EXOSC10: variants seen among roughly 807,000 people sequenced by gnomAD.
EXOSC10 encodes the protein exosome component 10.
A neutral mutation model predicts 126.6 loss-of-function variants in EXOSC10; 94 were observed. The observed-to-expected ratio is 0.74, with a 90% CI of 0.63 to 0.88. EXOSC10 has a LOEUF of 0.88. Ranked by LOEUF, EXOSC10 falls within the 40% of genes least tolerant of loss-of-function variation. The probability of loss-of-function intolerance (pLI) is 0.00; values close to 1 mark genes in which losing one functional copy is unlikely to be tolerated. For synonymous variants in EXOSC10, 395 were observed against 400.8 expected, an observed-to-expected ratio of 0.99 and a Z score of 0.17; for missense variants, 1,041 against 1,100.5, an observed-to-expected ratio of 0.95 and a Z score of 0.77.
intron 22 of EXOSC10, among the ~76,000 whole-genome samples, chr1:11,069,227 C>CTGTGTGTGTG (rs146028725): frequency 2.2e-5 from 3 of 135,336 alleles, no homozygotes; most frequent in South Asian, 2.6e-4. Context: ...AAACAAAATT[C>CTGTGTGTGTG]TGTGTGTGTG....
intron 16 of EXOSC10, 31 bp downstream of exon 16, chr1:11,077,334 T>A: frequency 6.3e-7 from 1 of 1,596,916 alleles, no homozygotes; most frequent in Non-Finnish European, 8.6e-7. Context: ...CCCAACCTCT[T>A]CGGGACAGTC....
chr1:11,085,733 T>C (rs1337325697), intron 9 of EXOSC10, among the ~76,000 whole-genome samples: 2 of 151,890 alleles, frequency 1.3e-5, no homozygotes, highest in Non-Finnish European at 2.9e-5. Context: ...TTTTTGCCCA[T>C]TCAGTATGAT....
intron 6 of EXOSC10, among the ~76,000 whole-genome samples, chr1:11,089,286 A>G (rs1474527567): frequency 1.3e-5 from 2 of 151,046 alleles, no homozygotes; most frequent in Non-Finnish European, 2.9e-5. Flanking sequence ...AGAAAGGCAG[A>G]GCAGTATAGT....
intron 9 of EXOSC10, among the ~76,000 whole-genome samples, chr1:11,084,549 G>A (rs1181947296): frequency 2.0e-5 from 3 of 152,124 alleles, no homozygotes; most frequent in South Asian, 2.1e-4. Context: ...AGTAGGTTGC[G>A]AAGATTTTCT....
chr1:11,083,270 A>G (rs1330472988), intron 9 of EXOSC10, among the ~76,000 whole-genome samples: 2 of 152,130 alleles, frequency 1.3e-5, no homozygotes, highest in African/African-American at 4.8e-5. Flanking sequence ...TCTAATCAAG[A>G]TTAGATATAT....
At position 11,098,555 on chromosome 1, in the gene EXOSC10, A is replaced by C. The variant is rs564777003; in HGVS notation, c.112-399T>G. 3.0e-3 allele frequency among the ~76,000 whole-genome samples: 463 copies of C among 152,368 alleles called. 4 individuals carry two copies. The highest frequency in any genetic ancestry group is 0.011 in the African/African-American group (448 of 41,582). On this transcript the variant is annotated intron_variant, in intron 1 of 24. Transcript: ENST00000376936. ...CAGAGTTTTTGTGAGGACAGAATGAATAAGCTAATAAAAGCACTTAGGACA... is the reference window on the plus strand; with the variant it reads ...CAGAGTTTTTGTGAGGACAGAATGACTAAGCTAATAAAAGCACTTAGGACA...
At chr1:11,074,033 A>C in intron 18 of EXOSC10, 25 bp from the exon 19 acceptor site, 1 of 1,606,324 alleles carries the variant, frequency 6.2e-7, no homozygotes, top group Non-Finnish European at 8.5e-7. Flanking sequence ...TGGCTGTGTG[A>C]AACGCTGCCG....
Position 11,095,846 on chromosome 1 carries a change from C to T in EXOSC10, c.284G>A (p.Ser95Asn), listed in dbSNP as rs776209993. Residue 95 changes from serine to asparagine, a missense_variant, in exon 3 of 25, where the codon AGC becomes AAC. Transcript: ENST00000376936. Reference protein sequence around the residue: ...SRVMQYHGCRSNIKDRSKVTE... With the variant: ...SRVMQYHGCRNNIKDRSKVTE... ...CACTTTACTTCGATCCTTAATGTTG[C>T]TGCGACACCCATGGTACTGCATTAC... 12 of 1,613,884 alleles carry T rather than the reference C, an allele frequency of 7.4e-6. No individual in the cohort carries two copies. The highest frequency in any genetic ancestry group is 1.0e-5 in the Non-Finnish European group (12 of 1,179,850).
chr1:11,077,865 A>C (rs192853447), intron 14 of EXOSC10, among the ~76,000 whole-genome samples: 1 of 152,346 alleles, frequency 6.6e-6, no homozygotes, highest in Non-Finnish European at 1.5e-5. Context: ...CTTTAACATG[A>C]CTAAGCACAA....
chr1:11,082,992 C>T (rs1441330274), intron 9 of EXOSC10, 114 bp from the exon 10 acceptor site: 1 of 844,872 alleles, frequency 1.2e-6, no homozygotes, highest in Non-Finnish European at 1.9e-6. Context: ...TCTCCGCTGT[C>T]CCATCTGTAG....
Position 11,087,599 on chromosome 1 carries a change from C to T in EXOSC10, c.946-8G>A. ...GCTCCTGTAAGAGTGGTGCTAAACC[C>T]CACAGAAGGAGGGGAGAAGAGGAAA... On this transcript the variant is annotated splice_polypyrimidine_tract_variant and splice_region_variant and intron_variant, in intron 8 of 24. Transcript: ENST00000376936. 1 of 1,613,226 alleles carries T rather than the reference C, an allele frequency of 6.2e-7. No individual in the cohort carries two copies. Among genetic ancestry groups the T allele is most frequent in the Non-Finnish European group, 8.5e-7 (1 of 1,179,656 alleles).
rs1164512014 is a variant in EXOSC10 at position 11,074,244 on chromosome 1, T to A, written c.2069A>T (p.Asn690Ile). ...ACTACTACTCACCATCCTAAATGGA[T>A]TTTCAAAGGACTCCATGATGTTCTG... ...KAQNIMESFE[N>I]PFRMFLPSLG... The change falls in exon 18 of 25, where the codon AAT becomes ATT. Residue 690 changes from asparagine to isoleucine, a missense_variant. Physicochemically the swap from Asn to Ile is moderately radical, Grantham distance 149. Coordinates refer to ENST00000376936, the MANE Select transcript of EXOSC10 (RefSeq NM_001001998.3). 7 of 1,613,694 alleles carry A rather than the reference T, an allele frequency of 4.3e-6. No homozygotes were observed. Among genetic ancestry groups the A allele is most frequent in the Non-Finnish European group, 4.2e-6 (5 of 1,179,668 alleles).
chr1:11,082,763 GAGT>G lies in EXOSC10; in HGVS notation c.1202_1204del (p.His401_Ser402delinsPro). On this transcript the variant is annotated inframe_deletion, in exon 10 of 25. Transcript: ENST00000376936. ...GTAGAGTTTCAGGAGATGATCGAGT[GAGT>G]GCCTGCCCAGGTTAAGAAGGCGTGC... The G allele has an allele frequency of 6.2e-7, 1 of 1,614,188 alleles. No individual in the cohort carries two copies. The highest frequency in any genetic ancestry group is 8.5e-7 in the Non-Finnish European group (1 of 1,180,034).
At chr1:11,097,380 AAAAAAT>A (rs112507542) in intron 2 of EXOSC10, among the ~76,000 whole-genome samples, 18 of 151,068 alleles carry the variant, frequency 1.2e-4, no homozygotes, top group Admixed American at 3.3e-4. Flanking sequence ...TCCATCTCAA[AAAAAAT>A]AAAAATAAAA....
intron 20 of EXOSC10, chr1:11,071,755 G>C: frequency 4.5e-6 from 1 of 222,420 alleles, no homozygotes; most frequent in Non-Finnish European, 8.9e-6. Flanking sequence ...AGCATGCCCA[G>C]TGAACTAGCC....
At chr1:11,078,734 A>G (rs1268667111) in intron 14 of EXOSC10, among the ~76,000 whole-genome samples, 3 of 152,140 alleles carry the variant, frequency 2.0e-5, no homozygotes, top group Admixed American at 1.3e-4. Context: ...CATCTGGGCC[A>G]TCGCCAGGCT....
At chr1:11,070,490 C>A (rs1639407800) in intron 21 of EXOSC10, among the ~76,000 whole-genome samples, 1 of 145,994 alleles carries the variant, frequency 6.8e-6, no homozygotes, top group East Asian at 2.0e-4. Context: ...CCACTGCACT[C>A]CAGCCTGTGC....
At chr1:11,083,244 T>C (rs1640270616) in intron 9 of EXOSC10, among the ~76,000 whole-genome samples, 1 of 152,170 alleles carries the variant, frequency 6.6e-6, no homozygotes, top group African/African-American at 2.4e-5. Flanking sequence ...CCACCTCACC[T>C]GGCTGAAGCC....
rs1640242996 is a variant in EXOSC10, at chr1:11,082,797, G to C, written c.1171C>G (p.Gln391Glu). 1.9e-6 allele frequency: 3 copies of C among 1,614,098 alleles called. No individual in the cohort carries two copies. Among genetic ancestry groups the C allele is most frequent in the African/African-American group, 2.7e-5 (2 of 74,940 alleles). Residue 391 changes from glutamine to glutamate, a missense_variant, in exon 10 of 25, where the codon CAG becomes GAG. Coordinates refer to ENST00000376936, the MANE Select transcript of EXOSC10 (RefSeq NM_001001998.3). ...CCCAGGTTAAGAAGGCGTGCTGCCT[G>C]ATGAGTATCAAACATGTTTACTACA... Reference protein sequence around the residue: ...LYVVNMFDTHQAARLLNLGRH... With the variant: ...LYVVNMFDTHEAARLLNLGRH...
Sources: gnomAD v4.1 joint callset for allele counts (sites outside exome capture counted in the v4.1 genomes callset) on GRCh38, gnomAD v4.1.1 for gene constraint, MANE v1.5 for transcripts, NCBI Gene and HGNC (gene_info 2026-07-23, HGNC 2026-07-21) for gene names.